Variants in PCGF2 observed in about 807,000 individuals in gnomAD.
PCGF2 encodes the protein polycomb group RING finger protein 2.
In PCGF2, 8 loss-of-function variants were observed where a neutral mutation model predicts 36.1. The ratio of observed to expected loss-of-function variants is 0.22; its 90% CI spans 0.13 to 0.40. The LOEUF (loss-of-function observed/expected upper bound fraction) is 0.40, where lower values mean the gene tolerates loss of function less well. PCGF2 is among the 10% of genes least tolerant of loss of function. The probability of loss-of-function intolerance (pLI) is 1.00; values close to 1 mark genes in which losing one functional copy is unlikely to be tolerated. For missense variants in PCGF2, 436 were observed against 475.9 expected, an observed-to-expected ratio of 0.92 and a Z score of 0.78; for synonymous variants, 198 against 191.2, an observed-to-expected ratio of 1.04 and a Z score of -0.29.
At chr17:38,742,427 G>A (rs980066946) in intron 2 of PCGF2, among the ~76,000 whole-genome samples, 1 of 152,232 alleles carries the variant, frequency 6.6e-6, no homozygotes, top group Non-Finnish European at 1.5e-5. Context: ...AGAGGCTCAG[G>A]GAACCTGGCC....
chr17:38,740,009 CA>C (rs1362522076), intron 3 of PCGF2, among the ~76,000 whole-genome samples: 1 of 152,226 alleles, frequency 6.6e-6, no homozygotes, highest in Non-Finnish European at 1.5e-5. Flanking sequence ...GCCCACAGTG[CA>C]AACAAGGGGT....
chr17:38,736,911 C>A (rs1226090984), intron 9 of PCGF2, among the ~76,000 whole-genome samples: 1 of 151,938 alleles, frequency 6.6e-6, no homozygotes, highest in East Asian at 1.9e-4. Flanking sequence ...AATCCCAGAG[C>A]TTTGGGAGGC....
upstream of PCGF2, among the ~76,000 whole-genome samples, chr17:38,749,046 G>A (rs1247825652): frequency 2.0e-5 from 3 of 152,102 alleles, no homozygotes; most frequent in Non-Finnish European, 4.4e-5. The surrounding 1 kb of genome is among the most constrained non-coding windows in gnomAD (Gnocchi z 6.5). Context: ...GGGGGGATCG[G>A]GTAGCTCTGG....
At chr17:38,743,743 G>A (rs1364895377) in intron 2 of PCGF2, among the ~76,000 whole-genome samples, 1 of 152,046 alleles carries the variant, frequency 6.6e-6, no homozygotes, top group East Asian at 1.9e-4. Flanking sequence ...AATGTAAACA[G>A]GAGCTCTGAC....
At chr17:38,738,300 G>A (rs1906915929) in intron 9 of PCGF2, 53 bp downstream of exon 9, 1 of 1,444,632 alleles carries the variant, frequency 6.9e-7, no homozygotes, top group African/African-American at 1.4e-5. Flanking sequence ...TGCACAGACT[G>A]TCTGACACAC....
Position 38,738,820 on chromosome 17 carries a change from G to C in PCGF2, c.358C>G (p.Gln120Glu), listed in dbSNP as rs958236122. The change falls in exon 7 of 11, where the codon CAG becomes GAG. Residue 120 changes from glutamine (Q) to glutamate (E), a missense_variant. Physicochemically the swap from Gln to Glu is conservative, Grantham distance 29. Coordinates refer to ENST00000620225, the MANE Select transcript of PCGF2 (RefSeq NM_007144.3). ...TCATCACTCAGAGCCCCCTTCTCCT[G>C]CTCCAAGACCTCGCCGCGGTCCTCA... ...SNEDRGEVLEQEKGALSDDEI... is the reference protein window; with the variant it reads ...SNEDRGEVLEEEKGALSDDEI... The C allele has an allele frequency of 6.2e-7, 1 of 1,613,952 alleles. No homozygotes were observed. The highest frequency in any genetic ancestry group is 8.5e-7 in the Non-Finnish European group (1 of 1,179,954).
At chr17:38,747,353 C>T (rs1702810450) in intron 2 of PCGF2, among the ~76,000 whole-genome samples, 1 of 152,140 alleles carries the variant, frequency 6.6e-6, no homozygotes, top group African/African-American at 2.4e-5. Flanking sequence ...TTAGCAGATC[C>T]CCCTGCTTCC....
intron 7 of PCGF2, 67 bp downstream of exon 7, chr17:38,738,686 G>GATGTC (rs1906957674): frequency 6.4e-7 from 1 of 1,564,204 alleles, no homozygotes; most frequent in South Asian, 1.1e-5. Context: ...TCCAGAGAGG[G>GATGTC]TCCTGGGTGG....
intron 2 of PCGF2, among the ~76,000 whole-genome samples, chr17:38,742,564 C>CG (rs1410049368): frequency 1.3e-5 from 2 of 152,134 alleles, no homozygotes; most frequent in Non-Finnish European, 1.5e-5. Context: ...GTGGCGGCCC[C>CG]GGGGATCTGA....
rs1415755631 is a variant in PCGF2, at chr17:38,735,475, G to A, written c.783C>T (p.Asp261=). Residue 261 remains aspartate, a synonymous_variant, in exon 11 of 11, where the codon GAC becomes GAT. Transcript: ENST00000620225. ...GCAGGGTGGCAGGGCTGGGAGCCTT[G>A]TCGCTGACTGACTCACACTCGGACG... ...SGASECESVS[D]KAPSPATLPA... is the part of the protein sequence containing the mutation. The A allele has an allele frequency of 6.3e-7, 1 of 1,592,164 alleles. No individual in the cohort carries two copies. Among genetic ancestry groups the A allele is most frequent in the South Asian group, 1.1e-5 (1 of 87,790 alleles).
rs149121439 is a variant in PCGF2 at position 38,735,313 on chromosome 17, C to T, written c.945G>A (p.Gly315=). The stretch of plus-strand genomic sequence containing the variant: ...GTGTCTGCAGGCAGTTCAAGCTACC[C>T]CCGTTGGCAGCTGTGGTGGCCCCAC... ...TASGATTAAN[G]GSLNCLQTPS... Residue 315 remains glycine (G), a synonymous_variant, in exon 11 of 11, where the codon GGG becomes GGA. Transcript: ENST00000620225. 25 of 1,533,284 alleles carry T rather than the reference C, an allele frequency of 1.6e-5. No individual in the cohort carries two copies. Among genetic ancestry groups the T allele is most frequent in the Non-Finnish European group, 2.2e-5 (25 of 1,133,604 alleles). The allele number at this position is 1,533,284 out of a possible 1,614,324, so 95.0% of individuals were successfully genotyped here.
At chr17:38,741,683 G>A (rs1266848280) in intron 2 of PCGF2, among the ~76,000 whole-genome samples, 1 of 152,094 alleles carries the variant, frequency 6.6e-6, no homozygotes, top group Non-Finnish European at 1.5e-5. Flanking sequence ...TCCACCATAC[G>A]CTAATCATTT....
At chr17:38,745,813 A>ACCATCAGCATGGACTC (rs1907500953) in intron 2 of PCGF2, among the ~76,000 whole-genome samples, 3 of 152,086 alleles carry the variant, frequency 2.0e-5, no homozygotes, top group Non-Finnish European at 2.9e-5. Context: ...CCCAAACATG[A>ACCATCAGCATGGACTC]CCATCAGCAT....
At chr17:38,740,889 T>C (rs1344754378) in intron 2 of PCGF2, among the ~76,000 whole-genome samples, 2 of 152,050 alleles carry the variant, frequency 1.3e-5, no homozygotes, top group Non-Finnish European at 2.9e-5. Context: ...GCTGGGGGTG[T>C]ACATGTGGCT....
chr17:38,744,427 C>T (rs1178036558), intron 2 of PCGF2, among the ~76,000 whole-genome samples: 5 of 152,142 alleles, frequency 3.3e-5, no homozygotes, highest in African/African-American at 9.7e-5. Flanking sequence ...AAGATATCGG[C>T]TCACTGCAAC....
chr17:38,735,196 C>G lies in PCGF2; in HGVS notation c.*27G>C. The G allele has an allele frequency of 7.3e-7, 1 of 1,368,846 alleles. No homozygotes were observed. The highest frequency in any genetic ancestry group is 2.0e-4 in the Middle Eastern group (1 of 5,102). 84.8% of individuals were successfully genotyped at this position (1,368,846 alleles called of 1,614,324 possible). On this transcript the variant is annotated 3_prime_UTR_variant, in exon 11 of 11. Coordinates refer to ENST00000620225, the MANE Select transcript of PCGF2 (RefSeq NM_007144.3). Reference sequence around the variant, plus strand: ...AAGTGGAAGGAGTGGAGAGGCTTGGCTGGAAGAAGGGAGAGGGTCCCTGGC... The same window carrying G: ...AAGTGGAAGGAGTGGAGAGGCTTGGGTGGAAGAAGGGAGAGGGTCCCTGGC...
intron 9 of PCGF2, 50 bp downstream of exon 9, chr17:38,738,302 CT>C: frequency 6.9e-7 from 1 of 1,456,494 alleles, no homozygotes; most frequent in Non-Finnish European, 9.6e-7. Context: ...CACAGACTGT[CT>C]GACACACCCA....
In PCGF2 at chr17:38,735,614, G is replaced by A. The variant is rs1156292151; in HGVS notation, c.658-14C>T. 2 of 1,541,052 alleles carry A rather than the reference G, an allele frequency of 1.3e-6. No homozygotes were observed. Among genetic ancestry groups the A allele is most frequent in the East Asian group, 2.3e-5 (1 of 42,938 alleles). ...GAGAGGCCCGTTCTGCGGGGAGAGT[G>A]GGGAGGAGAGACACAGGGAAGGGGA... On this transcript the variant is annotated splice_polypyrimidine_tract_variant and intron_variant, in intron 10 of 10. Coordinates refer to ENST00000620225, the MANE Select transcript of PCGF2 (RefSeq NM_007144.3).
At chr17:38,738,893 A>G in intron 6 of PCGF2, 32 bp from the exon 7 acceptor site, 2 of 1,590,574 alleles carry the variant, frequency 1.3e-6, no homozygotes, top group Non-Finnish European at 1.7e-6. Context: ...GGGTTGGCGG[A>G]GGATGTAGGA....
Sources: gnomAD v4.1 joint callset for allele counts (sites outside exome capture counted in the v4.1 genomes callset) on GRCh38, gnomAD v4.1.1 for gene constraint, Gnocchi (gnomAD v3.1) non-coding constraint, MANE v1.5 for transcripts, NCBI Gene and HGNC (gene_info 2026-07-23, HGNC 2026-07-21) for gene names.